Variants in CNOT1 observed in about 807,000 individuals in gnomAD.
CNOT1 encodes CCR4-NOT transcription complex subunit 1.
In CNOT1, 15 loss-of-function variants were observed where a neutral mutation model predicts 273.8. That is an observed-to-expected ratio of 0.05 (90% CI 0.04 to 0.08). The LOEUF (loss-of-function observed/expected upper bound fraction) is 0.08. Among genes scored for constraint, CNOT1 ranks in the 10% least tolerant of loss-of-function variants. The probability of loss-of-function intolerance (pLI) is 1.00; values close to 1 mark genes in which losing one functional copy is unlikely to be tolerated. For synonymous variants in CNOT1, 1,022 were observed against 1,005.5 expected, an observed-to-expected ratio of 1.02 and a Z score of -0.31; for missense variants, 1,644 against 2,912.2, an observed-to-expected ratio of 0.56 and a Z score of 10.02.
intron 1 of CNOT1, among the ~76,000 whole-genome samples, chr16:58,613,099 T>G (rs1212386279): frequency 1.3e-5 from 2 of 152,166 alleles, no homozygotes; most frequent in African/African-American, 4.8e-5. Flanking sequence ...TGGCATGACC[T>G]TGGCTCACTG....
chr16:58,626,633 G>A (rs1299120251), intron 1 of CNOT1, among the ~76,000 whole-genome samples: 5 of 151,346 alleles, frequency 3.3e-5, no homozygotes, highest in Non-Finnish European at 7.4e-5. Context: ...AGTGGTGCGC[G>A]CCTGTAATCC....
intron 1 of CNOT1, among the ~76,000 whole-genome samples, chr16:58,614,103 AAAAG>A (rs1299987357): frequency 8.3e-6 from 1 of 120,676 alleles, no homozygotes; most frequent in African/African-American, 2.8e-5. Flanking sequence ...AAAAAAAAAA[AAAAG>A]AAAAGAAAAT....
At chr16:58,541,760 G>A (rs1041432334) in intron 33 of CNOT1, 140 bp from the exon 34 acceptor site, 61 of 748,240 alleles carry the variant, frequency 8.2e-5, no homozygotes, top group Middle Eastern at 2.7e-4. Context: ...AAGCATGCAC[G>A]CACACACAAA....
At chr16:58,584,393 C>T (rs1005345604) in intron 8 of CNOT1, among the ~76,000 whole-genome samples, 2 of 151,864 alleles carry the variant, frequency 1.3e-5, no homozygotes, top group African/African-American at 2.4e-5. Flanking sequence ...TGCAGTGGCA[C>T]GATCTTGGCT....
rs2151904346 is a variant in CNOT1 at position 58,532,002 on chromosome 16, G to A, written c.6133C>T (p.Arg2045Trp). Residue 2045 changes from arginine to tryptophan, a missense_variant, in exon 42 of 49, where the codon CGG (arginine) becomes TGG (tryptophan). Arg to Trp is a moderately radical substitution (Grantham distance 101). Transcript: ENST00000317147. ...GCCAGCATTCTTGCAATAAATATCC[G>A]ATGGGAAATCAGTTCAAGCCAGGCA... ...VYAWLELISH[R>W]IFIARMLAHT... 1 of 1,614,108 alleles carries A rather than the reference G, an allele frequency of 6.2e-7. No homozygotes were observed. The highest frequency in any genetic ancestry group is 8.5e-7 in the Non-Finnish European group (1 of 1,180,016).
intron 45 of CNOT1, 69 bp from the exon 46 acceptor site, chr16:58,525,428 C>CT (rs1396850164): frequency 1.5e-6 from 2 of 1,346,566 alleles, no homozygotes; most frequent in African/African-American, 2.9e-5. Flanking sequence ...ACCAGTATTT[C>CT]TAAACCCTTC....
Position 58,543,816 on chromosome 16 carries a change from C to T in CNOT1, c.4225G>A (p.Val1409Met). ...ATGGCAATCTTAATTGATCGATCCACCACAGGATGGACCAGCTCCTGGACA... is the reference window on the plus strand; with the variant it reads ...ATGGCAATCTTAATTGATCGATCCATCACAGGATGGACCAGCTCCTGGACA... The part of the protein sequence containing the change: ...RAVQELVHPV[V>M]DRSIKIAMTT... Residue 1409 changes from valine to methionine, a missense_variant, in exon 31 of 49, where the codon GTG becomes ATG. Coordinates refer to ENST00000317147, the MANE Select transcript of CNOT1 (RefSeq NM_016284.5). 2.5e-6 allele frequency: 4 copies of T among 1,614,126 alleles called. No individual in the cohort carries two copies. The highest frequency in any genetic ancestry group is 3.4e-6 in the Non-Finnish European group (4 of 1,180,018).
intron 6 of CNOT1, 142 bp downstream of exon 6, chr16:58,587,059 T>C: frequency 8.4e-7 from 1 of 1,187,254 alleles, no homozygotes; most frequent in Non-Finnish European, 1.2e-6. Context: ...GTAACATTTA[T>C]ATTACATGTT....
chr16:58,568,544 CGT>C (rs1229352317), intron 16 of CNOT1, among the ~76,000 whole-genome samples: 1 of 150,934 alleles, frequency 6.6e-6, no homozygotes, highest in East Asian at 2.0e-4. Context: ...ATTAGCCAGG[CGT>C]GGTGGCATGC....
intron 2 of CNOT1, among the ~76,000 whole-genome samples, chr16:58,596,786 G>A (rs535415607): frequency 2.2e-4 from 33 of 150,768 alleles, no homozygotes; most frequent in Middle Eastern, 3.4e-3. Flanking sequence ...TACTCGGGAG[G>A]CTGAGGCAGG....
intron 1 of CNOT1, among the ~76,000 whole-genome samples, chr16:58,608,264 A>G (rs900288638): frequency 6.6e-6 from 1 of 152,040 alleles, no homozygotes; most frequent in Admixed American, 6.6e-5. Context: ...TACAAAACAC[A>G]GTGAAACCAG....
chr16:58,546,459 G>A lies in CNOT1; in HGVS notation c.3868C>T (p.Leu1290Phe), dbSNP rs1261560282. 1 of 1,613,712 alleles carries A rather than the reference G, an allele frequency of 6.2e-7. No individual in the cohort carries two copies. Among genetic ancestry groups the A allele is most frequent in the Non-Finnish European group, 8.5e-7 (1 of 1,179,920 alleles). ...TTTAGCTCATTGATGTCTAATGCAAGGTTCTTGCAGAGAACCTCGATTTCA... is the reference window on the plus strand; with the variant it reads ...TTTAGCTCATTGATGTCTAATGCAAAGTTCTTGCAGAGAACCTCGATTTCA... ...KFEIEVLCKN[L>F]ALDINELKPG... The change falls in exon 29 of 49, where the codon CTT becomes TTT. Residue 1290 changes from leucine (L) to phenylalanine (F), a missense_variant. Leu to Phe is a conservative substitution (Grantham distance 22). This residue lies in a region of CNOT1 where 124 missense variants were observed against 289.3 expected (regional missense o/e 0.43). Coordinates refer to ENST00000317147, the MANE Select transcript of CNOT1 (RefSeq NM_016284.5).
At position 58,541,759 on chromosome 16, in the gene CNOT1, C is replaced by T. The variant is rs143947034; in HGVS notation, c.4681-139G>A. On this transcript the variant is annotated intron_variant, in intron 33 of 48. Transcript: ENST00000317147. Reference sequence around the variant, plus strand: ...ATATAACAGCATGATTAAGCATGCACGCACACACAAATGCAGTTCAGAAGA... The same window carrying T: ...ATATAACAGCATGATTAAGCATGCATGCACACACAAATGCAGTTCAGAAGA... The T allele has an allele frequency of 8.7e-4, 652 of 752,926 alleles. 3 individuals are homozygous for T. Among genetic ancestry groups the T allele is most frequent in the South Asian group, 1.2e-3 (64 of 52,360 alleles). 46.6% of individuals were successfully genotyped at this position (752,926 alleles called of 1,614,324 possible). A position where few individuals can be genotyped will look rare whatever the true frequency, so the allele number is the denominator to read the frequency against.
intron 1 of CNOT1, among the ~76,000 whole-genome samples, chr16:58,618,682 C>T (rs534392114): frequency 4.4e-4 from 67 of 150,946 alleles, no homozygotes; most frequent in Non-Finnish European, 9.0e-4. Context: ...TTGACCCTTC[C>T]GTAGTTCATA....
At chr16:58,624,948 A>T (rs2043500993) in intron 1 of CNOT1, among the ~76,000 whole-genome samples, 1 of 130,734 alleles carries the variant, frequency 7.6e-6, no homozygotes, top group South Asian at 2.6e-4. Context: ...AAGTACACTT[A>T]AAAAAAAAAA....
At chr16:58,600,656 G>A (rs1266454253) in intron 1 of CNOT1, among the ~76,000 whole-genome samples, 3 of 152,176 alleles carry the variant, frequency 2.0e-5, no homozygotes, top group Admixed American at 6.6e-5. Context: ...AGGAACTCCA[G>A]AAGCCAAATT....
chr16:58,581,588 T>G, intron 10 of CNOT1, 73 bp from the exon 11 acceptor site: 1 of 1,465,098 alleles, frequency 6.8e-7, no homozygotes, highest in Non-Finnish European at 9.0e-7. Context: ...AAAGGCCAAA[T>G]TAAATCTGAA....
intron 6 of CNOT1, 91 bp downstream of exon 6, chr16:58,587,110 A>C: frequency 6.8e-7 from 1 of 1,475,820 alleles, no homozygotes. Context: ...AGATTATCTT[A>C]CTCTCTAAGT....
At chr16:58,528,223 C>A in intron 44 of CNOT1, 1 of 546,550 alleles carries the variant, frequency 1.8e-6, no homozygotes, top group Non-Finnish European at 3.3e-6. Flanking sequence ...GTAAATAGAG[C>A]TAAATTTAAT....
Sources: allele counts gnomAD v4.1 joint callset (sites outside exome capture counted in the v4.1 genomes callset), GRCh38; gene constraint gnomAD v4.1.1; regional missense constraint gnomAD v4.1.1; transcripts MANE v1.5; gene names NCBI Gene and HGNC (gene_info 2026-07-23, HGNC 2026-07-21).